HMGCLL1: variants seen among roughly 807,000 people sequenced by gnomAD.
HMGCLL1 encodes 3-hydroxy-3-methylglutaryl-CoA lyase like 1.
A neutral mutation model predicts 39.1 loss-of-function variants in HMGCLL1; 36 were observed. The ratio of observed to expected loss-of-function variants is 0.92; its 90% CI spans 0.71 to 1.22. The LOEUF is 1.22. Among genes scored for constraint, HMGCLL1 ranks in the 50% most tolerant of loss-of-function variants. The pLI, the probability that HMGCLL1 is intolerant of heterozygous loss-of-function variation, is 0.00. For missense variants in HMGCLL1, 451 were observed against 416.5 expected, an observed-to-expected ratio of 1.08 and a Z score of -0.72; for synonymous variants, 149 against 144.0, an observed-to-expected ratio of 1.03 and a Z score of -0.25.
the HMGCLL1 span, among the ~76,000 whole-genome samples, chr6:55,625,167 C>T: frequency 1.5e-4 from 23 of 152,232 alleles, no homozygotes; most frequent in Admixed American, 1.4e-3. Context: ...TGAGAGATAG[C>T]TCCTGGCCTG....
At chr6:55,618,343 A>G in the HMGCLL1 span, among the ~76,000 whole-genome samples, 1 of 152,060 alleles carries the variant, frequency 6.6e-6, no homozygotes, top group Non-Finnish European at 1.5e-5. Context: ...AGTAAAAAAA[A>G]AAAGTGACCT....
chr6:55,654,165 A>G, the HMGCLL1 span, among the ~76,000 whole-genome samples: 6 of 152,076 alleles, frequency 3.9e-5, no homozygotes, highest in African/African-American at 1.2e-4. Context: ...GAAAGTACTG[A>G]TAATTGTGAA....
intron 3 of HMGCLL1, among the ~76,000 whole-genome samples, chr6:55,530,322 T>G (rs976870228): frequency 6.6e-6 from 1 of 152,050 alleles, no homozygotes. Flanking sequence ...CTATAAGTTT[T>G]TGCAATGACA....
At chr6:55,533,677 G>A (rs1170587874) in intron 3 of HMGCLL1, among the ~76,000 whole-genome samples, 1 of 151,510 alleles carries the variant, frequency 6.6e-6, no homozygotes. Context: ...ACGAGGTCAG[G>A]AGATCGAGAC....
chr6:55,442,296 T>C (rs1258093822), intron 7 of HMGCLL1, among the ~76,000 whole-genome samples: 3 of 152,158 alleles, frequency 2.0e-5, no homozygotes, highest in East Asian at 3.9e-4. Context: ...GGAAAATTTG[T>C]CCATTCTCAT....
intron 1 of HMGCLL1, among the ~76,000 whole-genome samples, chr6:55,559,561 G>C (rs910687138): frequency 5.3e-5 from 8 of 152,118 alleles, no homozygotes; most frequent in Non-Finnish European, 1.2e-4. Context: ...AGGAGAGCAG[G>C]GGCACAAGAA....
intron 1 of HMGCLL1, among the ~76,000 whole-genome samples, chr6:55,564,269 T>A (rs1161543153): frequency 2.0e-5 from 3 of 152,178 alleles, no homozygotes. Context: ...TTTACTTTTA[T>A]GTTTCTTGTG....
chr6:55,599,025 A>G, the HMGCLL1 span, among the ~76,000 whole-genome samples: 2 of 152,176 alleles, frequency 1.3e-5, no homozygotes, highest in East Asian at 3.9e-4. Context: ...AGAAAACCAA[A>G]CACCGTATGT....
At chr6:55,509,893 G>A (rs953071516) in intron 5 of HMGCLL1, among the ~76,000 whole-genome samples, 10 of 151,758 alleles carry the variant, frequency 6.6e-5, no homozygotes, top group Admixed American at 1.3e-4. Flanking sequence ...GAACACCCTA[G>A]ATTCATTACA....
the HMGCLL1 span, among the ~76,000 whole-genome samples, chr6:55,613,353 A>T: frequency 4.6e-5 from 7 of 152,210 alleles, no homozygotes; most frequent in Admixed American, 2.0e-4. Context: ...GTAGGAATGT[A>T]AATTAGTTCA....
intron 1 of HMGCLL1, among the ~76,000 whole-genome samples, chr6:55,559,343 T>C (rs1581948988): frequency 6.6e-6 from 1 of 152,288 alleles, no homozygotes; most frequent in Non-Finnish European, 1.5e-5. Flanking sequence ...TCCTAGAGAT[T>C]TGACCAGAAG....
chr6:55,477,160 T>TATATATTTATTTATATTTATA, intron 7 of HMGCLL1, among the ~76,000 whole-genome samples: 2 of 52,320 alleles, frequency 3.8e-5, no homozygotes, highest in African/African-American at 1.7e-4. Flanking sequence ...ATATTATATA[T>TATATATTTATTTATATTTATA]TATAATATAA....
At chr6:55,659,794 A>G in the HMGCLL1 span, among the ~76,000 whole-genome samples, 1 of 151,844 alleles carries the variant, frequency 6.6e-6, no homozygotes, top group African/African-American at 2.4e-5. Context: ...TGAGAGGTAA[A>G]TTACACTATA....
intron 7 of HMGCLL1, among the ~76,000 whole-genome samples, chr6:55,489,357 A>AAG (rs2127419211): frequency 6.6e-6 from 1 of 152,098 alleles, no homozygotes; most frequent in South Asian, 2.1e-4. Context: ...CAGAATGGGT[A>AAG]AGAGGTGATC....
intron 7 of HMGCLL1, among the ~76,000 whole-genome samples, chr6:55,490,655 A>C (rs28549764): frequency 0.14 from 20,965 of 152,112 alleles, 1,642 homozygotes; most frequent in African/African-American, 0.22. Context: ...GAACTTTTAT[A>C]TGTGTTATTT....
the HMGCLL1 span, among the ~76,000 whole-genome samples, chr6:55,600,792 A>T: frequency 9.9e-5 from 15 of 152,146 alleles, no homozygotes; most frequent in Admixed American, 2.0e-4. Flanking sequence ...TGTTGCATGC[A>T]TTTTCTCATT....
At chr6:55,498,925 A>T (rs1377953474) in intron 6 of HMGCLL1, among the ~76,000 whole-genome samples, 4 of 152,098 alleles carry the variant, frequency 2.6e-5, no homozygotes, top group African/African-American at 9.7e-5. Context: ...TGACATTCTG[A>T]TGGAGATTGG....
chr6:55,613,345 A>G, the HMGCLL1 span, among the ~76,000 whole-genome samples: 1 of 152,108 alleles, frequency 6.6e-6, no homozygotes, highest in Non-Finnish European at 1.5e-5. Context: ...CATTGTTGGT[A>G]GGAATGTAAA....
the HMGCLL1 span, among the ~76,000 whole-genome samples, chr6:55,650,114 T>TAC: frequency 7.6e-5 from 6 of 78,672 alleles, 1 homozygote; most frequent in African/African-American, 3.5e-4. Flanking sequence ...TATATATATA[T>TAC]ATATATATAT....
Sources: gnomAD v4.1 joint callset for allele counts (sites outside exome capture counted in the v4.1 genomes callset) on GRCh38, gnomAD v4.1.1 for gene constraint, MANE v1.5 for transcripts, NCBI Gene and HGNC (gene_info 2026-07-23, HGNC 2026-07-21) for gene names.